SLC25A26: variants seen among roughly 807,000 people sequenced by gnomAD.
SLC25A26 encodes solute carrier family 25 member 26, also known as mitochondrial S-adenosylmethionine carrier protein.
In SLC25A26, 36 loss-of-function variants were observed where a neutral mutation model predicts 37.8. The ratio of observed to expected loss-of-function variants is 0.95; its 90% confidence interval spans 0.73 to 1.26. The LOEUF is 1.26. Ranked by LOEUF, SLC25A26 falls within the 50% of genes most tolerant of loss-of-function variation. The probability of loss-of-function intolerance (pLI) is 0.00; values close to 1 mark genes in which losing one functional copy is unlikely to be tolerated. For missense variants in SLC25A26, 390 were observed against 331.1 expected, an observed-to-expected ratio of 1.18 and a Z score of -1.38; for synonymous variants, 129 against 122.5, an observed-to-expected ratio of 1.05 and a Z score of -0.35.
chr3:66,330,856 A>G (rs1330791420), intron 5 of SLC25A26, among the ~76,000 whole-genome samples: 2 of 152,208 alleles, frequency 1.3e-5, no homozygotes, highest in African/African-American at 4.8e-5. Flanking sequence ...TTTGCAAGGA[A>G]TCAGATCCAA....
chr3:66,181,063 A>G (rs2070696709), intron 1 of SLC25A26, among the ~76,000 whole-genome samples: 1 of 152,196 alleles, frequency 6.6e-6, no homozygotes, highest in African/African-American at 2.4e-5. Context: ...TGGTACCTTG[A>G]TCTTGGACTT....
At chr3:66,158,155 G>A (rs1044855402) in intron 1 of SLC25A26, among the ~76,000 whole-genome samples, 3 of 152,190 alleles carry the variant, frequency 2.0e-5, no homozygotes, top group Non-Finnish European at 4.4e-5. Context: ...GAAAGTAGGT[G>A]GGAAGTATTT....
intron 5 of SLC25A26, among the ~76,000 whole-genome samples, chr3:66,279,500 T>C (rs1176264608): frequency 6.6e-6 from 1 of 152,134 alleles, no homozygotes; most frequent in Non-Finnish European, 1.5e-5. Flanking sequence ...TTTGAAGGCT[T>C]TTATTTGATT....
At chr3:66,172,286 C>T (rs2070510331) in intron 1 of SLC25A26, among the ~76,000 whole-genome samples, 1 of 151,634 alleles carries the variant, frequency 6.6e-6, no homozygotes, top group Admixed American at 6.6e-5. Flanking sequence ...TGTCATGCAC[C>T]TGAAGTCCCA....
At chr3:66,191,102 A>G (rs1015655447) in intron 1 of SLC25A26, among the ~76,000 whole-genome samples, 3 of 152,184 alleles carry the variant, frequency 2.0e-5, no homozygotes, top group African/African-American at 7.2e-5. Context: ...GGACATAAGC[A>G]CATATGAGTA....
At chr3:66,153,664 GA>G (rs1437017388) in intron 1 of SLC25A26, among the ~76,000 whole-genome samples, 1 of 152,258 alleles carries the variant, frequency 6.6e-6, no homozygotes, top group African/African-American at 2.4e-5. Context: ...GCAACATCTT[GA>G]GCCAGGAATG....
chr3:66,182,167 G>A (rs528652065), intron 1 of SLC25A26, among the ~76,000 whole-genome samples: 3 of 152,286 alleles, frequency 2.0e-5, no homozygotes, highest in South Asian at 2.1e-4. Context: ...TAAATGATTC[G>A]AGAGCAGAAA....
chr3:66,176,706 TA>T (rs2070592511), intron 1 of SLC25A26, among the ~76,000 whole-genome samples: 1 of 152,198 alleles, frequency 6.6e-6, no homozygotes, highest in African/African-American at 2.4e-5. Flanking sequence ...ACCAATAACA[TA>T]AAAGGTATTA....
rs957497497 is a variant in SLC25A26, at chr3:66,215,167, T to A, written c.-353-5575T>A. On this transcript the variant is annotated intron_variant, in intron 1 of 10. Transcript: ENST00000676754. ...AAACAAAAACAAAAATGTAAAATGTTTACCTTTTTGTTCTATTATTATTAT... is the reference window on the plus strand; with the variant it reads ...AAACAAAAACAAAAATGTAAAATGTATACCTTTTTGTTCTATTATTATTAT... Among the ~76,000 whole-genome samples, 565 of 152,258 alleles carry A rather than the reference T, an allele frequency of 3.7e-3. 5 individuals are homozygous for A. The highest frequency in any genetic ancestry group is 0.013 in the African/African-American group (547 of 41,560).
At chr3:66,193,930 A>G (rs1441405439) in intron 1 of SLC25A26, among the ~76,000 whole-genome samples, 1 of 152,260 alleles carries the variant, frequency 6.6e-6, no homozygotes, top group Non-Finnish European at 1.5e-5. Flanking sequence ...TAGGATGATC[A>G]TTAGATGATC....
At position 66,378,032 on chromosome 3, in the gene SLC25A26, C is replaced by G; in HGVS notation, c.*225C>G. 3 of 460,796 alleles carry G rather than the reference C, an allele frequency of 6.5e-6. No homozygotes were observed. Among genetic ancestry groups the G allele is most frequent in the Non-Finnish European group, 1.2e-5 (3 of 257,638 alleles). 28.5% of individuals were successfully genotyped at this position (460,796 alleles called of 1,614,324 possible). On this transcript the variant is annotated 3_prime_UTR_variant, in exon 10 of 10. Transcript: ENST00000354883. Reference sequence around the variant, plus strand: ...AGAAAACGGGGTCTGTGGCGGTACTCTGAACAATTTCCTCAGAACCTCTTA... The same window carrying G: ...AGAAAACGGGGTCTGTGGCGGTACTGTGAACAATTTCCTCAGAACCTCTTA...
intron 1 of SLC25A26, among the ~76,000 whole-genome samples, chr3:66,222,094 C>G (rs2071523256): frequency 6.6e-6 from 1 of 151,868 alleles, no homozygotes; most frequent in South Asian, 2.1e-4. Context: ...GATGTCTTAG[C>G]CAGACTTGTA....
chr3:66,338,191 T>C (rs996046246), intron 5 of SLC25A26, among the ~76,000 whole-genome samples: 33 of 152,068 alleles, frequency 2.2e-4, no homozygotes, highest in African/African-American at 7.7e-4. Flanking sequence ...TTTTTTTCAT[T>C]GTATTACTAA....
intron 7 of SLC25A26, among the ~76,000 whole-genome samples, chr3:66,363,583 T>A (rs978159461): frequency 7.9e-5 from 12 of 152,226 alleles, no homozygotes; most frequent in Non-Finnish European, 1.5e-4. Context: ...ATAAGTGATA[T>A]GTTTAAAAGC....
chr3:66,332,075 G>C (rs754196738), intron 5 of SLC25A26, among the ~76,000 whole-genome samples: 3 of 151,994 alleles, frequency 2.0e-5, no homozygotes, highest in Non-Finnish European at 2.9e-5. Flanking sequence ...GGGATTACAG[G>C]TGCGCGACAC....
intron 1 of SLC25A26, among the ~76,000 whole-genome samples, chr3:66,159,889 A>G (rs1232102800): frequency 1.3e-5 from 2 of 152,212 alleles, no homozygotes; most frequent in African/African-American, 4.8e-5. Flanking sequence ...CACTGTAACT[A>G]CATGAGGAAA....
At chr3:66,339,468 G>GCA (rs2076160155) in intron 5 of SLC25A26, among the ~76,000 whole-genome samples, 1 of 151,922 alleles carries the variant, frequency 6.6e-6, no homozygotes, top group Non-Finnish European at 1.5e-5. Flanking sequence ...TCAAGTGACT[G>GCA]CAGCCTTGCA....
In SLC25A26 at chr3:66,209,930, A is replaced by C. The variant is rs1470448921; in HGVS notation, c.-353-10812A>C. On this transcript the variant is annotated intron_variant, in intron 1 of 10. Transcript: ENST00000676754. ...TATATATATATATATATATATATAT[A>C]TATATATATATATATATGCAGTAGT... Among the ~76,000 whole-genome samples the C allele has an allele frequency of 1.4e-3, 92 of 65,890 alleles. 9 individuals are homozygous for C. Among genetic ancestry groups the C allele is most frequent in the Admixed American group, 1.9e-3 (12 of 6,214 alleles). The allele number at this position is 65,890 out of a possible 152,430, so 43.2% of individuals were successfully genotyped here. A position where few individuals can be genotyped will look rare whatever the true frequency, so the allele number is the denominator to read the frequency against.
intron 5 of SLC25A26, among the ~76,000 whole-genome samples, chr3:66,343,370 A>G (rs1182717125): frequency 6.6e-6 from 1 of 152,250 alleles, no homozygotes; most frequent in African/African-American, 2.4e-5. Context: ...GTCAGAAGCA[A>G]ATTTAATTAT....
Sources: gnomAD v4.1 joint callset for allele counts (sites outside exome capture counted in the v4.1 genomes callset) on GRCh38, gnomAD v4.1.1 for gene constraint, MANE v1.5 for transcripts, NCBI Gene and HGNC (gene_info 2026-07-23, HGNC 2026-07-21) for gene names.